Variants in RFX3 observed in about 807,000 individuals in gnomAD.
RFX3 encodes transcription factor RFX3.
A neutral mutation model predicts 98.6 loss-of-function variants in RFX3; 14 were observed. The ratio of observed to expected loss-of-function variants is 0.14; its 90% CI spans 0.09 to 0.22. RFX3 has a LOEUF of 0.22. RFX3 is among the 10% of genes least tolerant of loss of function. The pLI, the probability that RFX3 is intolerant of heterozygous loss-of-function variation, is 1.00. For synonymous variants in RFX3, 383 were observed against 328.4 expected, an observed-to-expected ratio of 1.17 and a Z score of -1.80; for missense variants, 639 against 926.9, an observed-to-expected ratio of 0.69 and a Z score of 4.03.
At chr9:3,524,405 AAAAGT>A in intron 1 of RFX3, 2 of 556,356 alleles carry the variant, frequency 3.6e-6, no homozygotes, top group Non-Finnish European at 4.6e-6. Context: ...AAGAAAATCA[AAAAGT>A]AAATAAAAAG....
Position 3,415,072 on chromosome 9 carries a change from A to T in RFX3, c.-8-19476T>A, listed in dbSNP as rs1356842159. Among the ~76,000 whole-genome samples, 680 of 89,116 alleles carry T rather than the reference A, an allele frequency of 7.6e-3. 5 individuals carry two copies. Among genetic ancestry groups the T allele is most frequent in the East Asian group, 0.024 (91 of 3,852 alleles). The allele number at this position is 89,116 out of a possible 152,430, so 58.5% of individuals were successfully genotyped here. ...CTTATATATATACTCATATATAAGTATATATATATTCTTATATATATACTC... is the reference window on the plus strand; with the variant it reads ...CTTATATATATACTCATATATAAGTTTATATATATTCTTATATATATACTC... On this transcript the variant is annotated intron_variant, in intron 1 of 16. Coordinates refer to ENST00000617270, the MANE Select transcript of RFX3 (RefSeq NM_001282116.2).
At chr9:3,402,038 T>C (rs868667437) in intron 1 of RFX3, among the ~76,000 whole-genome samples, 1 of 152,236 alleles carries the variant, frequency 6.6e-6, no homozygotes, top group Non-Finnish European at 1.5e-5. Flanking sequence ...TTCCTGAAGA[T>C]TATTTAATAC....
intron 2 of RFX3, among the ~76,000 whole-genome samples, chr9:3,351,311 A>T (rs1049996305): frequency 6.6e-6 from 1 of 152,058 alleles, no homozygotes; most frequent in Non-Finnish European, 1.5e-5. Flanking sequence ...GTGTGTATGC[A>T]CATATATATG....
chr9:3,400,196 T>C (rs918632296), intron 1 of RFX3: 1 of 976,712 alleles, frequency 1.0e-6, no homozygotes, highest in African/African-American at 1.8e-5. Flanking sequence ...ATACAGACGC[T>C]GCACAAAGAC....
chr9:3,382,587 CT>C (rs1486173766), intron 2 of RFX3, among the ~76,000 whole-genome samples: 1 of 151,980 alleles, frequency 6.6e-6, no homozygotes, highest in African/African-American at 2.4e-5. Flanking sequence ...TTGTCTTTTT[CT>C]TGAGAATCAT....
At chr9:3,488,825 T>A (rs1850491372) in intron 1 of RFX3, 1 of 984,166 alleles carries the variant, frequency 1.0e-6, no homozygotes, top group Admixed American at 6.2e-5. Flanking sequence ...TTATTTCTCT[T>A]GAGCTTTGTC....
chr9:3,359,727 T>A (rs1417164997), intron 2 of RFX3, among the ~76,000 whole-genome samples: 1 of 152,130 alleles, frequency 6.6e-6, no homozygotes, highest in Non-Finnish European at 1.5e-5. Context: ...TAAATGGGGA[T>A]GTGTATTTTT....
intron 7 of RFX3, among the ~76,000 whole-genome samples, chr9:3,282,469 G>C (rs767299464): frequency 1.3e-5 from 2 of 151,718 alleles, no homozygotes; most frequent in Non-Finnish European, 3.0e-5. Context: ...AACTGCAGCA[G>C]GTAAAGGAGG....
At chr9:3,517,845 T>C (rs977007852) in intron 1 of RFX3, among the ~76,000 whole-genome samples, 1 of 152,160 alleles carries the variant, frequency 6.6e-6, no homozygotes, top group African/African-American at 2.4e-5. Flanking sequence ...AAGATAATAA[T>C]AGACTATCGG....
At chr9:3,326,723 T>C (rs1405263574) in intron 4 of RFX3, among the ~76,000 whole-genome samples, 1 of 152,192 alleles carries the variant, frequency 6.6e-6, no homozygotes, top group East Asian at 1.9e-4. Flanking sequence ...ATTTTCTTTA[T>C]CCAGTCTATC....
chr9:3,316,185 G>C (rs752235035), intron 4 of RFX3, among the ~76,000 whole-genome samples: 1 of 152,142 alleles, frequency 6.6e-6, no homozygotes, highest in South Asian at 2.1e-4. Context: ...CCACTATCAA[G>C]TTGGCTTCAT....
chr9:3,339,244 A>G (rs1833576261), intron 3 of RFX3, among the ~76,000 whole-genome samples: 1 of 152,192 alleles, frequency 6.6e-6, no homozygotes, highest in Admixed American at 6.5e-5. Context: ...AGCATACCAA[A>G]AAGATATACA....
intron 4 of RFX3, among the ~76,000 whole-genome samples, chr9:3,310,183 A>C (rs3012700): frequency 0.13 from 19,367 of 152,190 alleles, 1,290 homozygotes; most frequent in Middle Eastern, 0.19. Flanking sequence ...GAAATGCAGC[A>C]AAATGGGAAG....
chr9:3,269,308 A>G (rs1824068734), intron 11 of RFX3, among the ~76,000 whole-genome samples: 2 of 152,022 alleles, frequency 1.3e-5, no homozygotes, highest in South Asian at 2.1e-4. Context: ...TGTTATTTAG[A>G]AAAAAAGAAA....
intron 15 of RFX3, among the ~76,000 whole-genome samples, chr9:3,241,722 T>A (rs1468307327): frequency 6.6e-6 from 1 of 152,148 alleles, no homozygotes; most frequent in Non-Finnish European, 1.5e-5. Context: ...AATGTTTGAT[T>A]TAGGTCTGGT....
chr9:3,261,955 G>C (rs1822963959), intron 13 of RFX3, among the ~76,000 whole-genome samples: 1 of 152,094 alleles, frequency 6.6e-6, no homozygotes, highest in African/African-American at 2.4e-5. Context: ...TTTCTTTGCG[G>C]AAATGTCTAC....
chr9:3,525,523 C>T (rs1004007774), intron 1 of RFX3, among the ~76,000 whole-genome samples: 1 of 151,796 alleles, frequency 6.6e-6, no homozygotes, highest in African/African-American at 2.4e-5. Context: ...GGCGGCGCGG[C>T]GCCCACACCC....
chr9:3,327,259 T>C (rs118149740), intron 4 of RFX3, among the ~76,000 whole-genome samples: 1,591 of 152,174 alleles, frequency 0.01, 10 homozygotes, highest in South Asian at 0.038. Flanking sequence ...TTAGCATTTC[T>C]CACATTTGGC....
chr9:3,327,127 T>A (rs1420033255), intron 4 of RFX3, among the ~76,000 whole-genome samples: 2 of 152,136 alleles, frequency 1.3e-5, no homozygotes, highest in African/African-American at 4.8e-5. Flanking sequence ...TACAATCTTT[T>A]CTCTGATTCT....
Sources: allele counts gnomAD v4.1 joint callset (sites outside exome capture counted in the v4.1 genomes callset), GRCh38; gene constraint gnomAD v4.1.1; transcripts MANE v1.5; gene names NCBI Gene and HGNC (gene_info 2026-07-23, HGNC 2026-07-21).